The following KIAA0232 variants were observed in gnomAD, a reference collection of about 807,000 sequenced individuals.
The protein encoded by KIAA0232 is KIAA0232.
In KIAA0232, 27 loss-of-function variants were observed where a neutral mutation model predicts 122.0. The ratio of observed to expected loss-of-function variants is 0.22; its 90% CI spans 0.16 to 0.31. The LOEUF (loss-of-function observed/expected upper bound fraction) is 0.31. Among genes scored for constraint, KIAA0232 ranks in the 10% least tolerant of loss-of-function variants. The pLI is 1.00. For missense variants in KIAA0232, 1,551 were observed against 1,634.2 expected (o/e 0.95, Z 0.88); for synonymous variants, 613 against 587.6 (o/e 1.04, Z -0.63).
At chr4:6,856,603 A>G (rs940531367) in intron 4 of KIAA0232, among the ~76,000 whole-genome samples, 1 of 152,120 alleles carries the variant, frequency 6.6e-6, no homozygotes, top group African/African-American at 2.4e-5. Flanking sequence ...AAAGAAGACA[A>G]AGCTTTCACA....
intron 7 of KIAA0232, among the ~76,000 whole-genome samples, chr4:6,865,966 G>A (rs995025014): frequency 6.6e-6 from 1 of 152,156 alleles, no homozygotes; most frequent in Non-Finnish European, 1.5e-5. Flanking sequence ...GCATCAGAGT[G>A]CCCAGGTGTG....
rs1722163905 is a variant in KIAA0232, at chr4:6,883,103, A to G, written c.*2137A>G. The stretch of plus-strand genomic sequence containing the variant: ...AAGTAGCTGAAGCTCAGAGGCTTTC[A>G]GCAACAGAGATGAAAGTGTGGCTTT... On this transcript the variant is annotated 3_prime_UTR_variant, in exon 10 of 10. Coordinates refer to ENST00000307659, the MANE Select transcript of KIAA0232 (RefSeq NM_014743.3). The G allele has an allele frequency of 6.5e-6, 1 of 152,678 alleles. No individual in the cohort carries two copies. Among genetic ancestry groups the G allele is most frequent in the Non-Finnish European group, 1.5e-5 (1 of 68,048 alleles). The allele number at this position is 152,678 out of a possible 1,614,324, so 9.5% of individuals were successfully genotyped here. A position where few individuals can be genotyped will look rare whatever the true frequency, so the allele number is the denominator to read the frequency against.
At chr4:6,791,578 C>G (rs1716896794) in intron 1 of KIAA0232, among the ~76,000 whole-genome samples, 1 of 152,058 alleles carries the variant, frequency 6.6e-6, no homozygotes, top group Admixed American at 6.6e-5. Context: ...ATGCTCCTGC[C>G]TCTGCCTCCC....
At chr4:6,864,909 A>G (rs760180812) in intron 7 of KIAA0232, among the ~76,000 whole-genome samples, 1 of 152,236 alleles carries the variant, frequency 6.6e-6, no homozygotes, top group African/African-American at 2.4e-5. Flanking sequence ...TGTGTTTTAC[A>G]TATAAAACAA....
chr4:6,857,727 C>T (rs769590246), intron 5 of KIAA0232, among the ~76,000 whole-genome samples: 4 of 152,186 alleles, frequency 2.6e-5, no homozygotes, highest in Non-Finnish European at 5.9e-5. Flanking sequence ...ACAGACTTGG[C>T]AAGCTTATTT....
intron 2 of KIAA0232, among the ~76,000 whole-genome samples, chr4:6,817,442 C>T (rs1718187058): frequency 6.6e-6 from 1 of 152,264 alleles, no homozygotes; most frequent in Non-Finnish European, 1.5e-5. Flanking sequence ...GTCTCGATCT[C>T]CTGACCTCGT....
At chr4:6,865,395 G>C (rs948323202) in intron 7 of KIAA0232, among the ~76,000 whole-genome samples, 11 of 152,316 alleles carry the variant, frequency 7.2e-5, no homozygotes, top group Admixed American at 3.3e-4. Flanking sequence ...CACCTCCCAG[G>C]TTCAAGTGAT....
chr4:6,879,114 C>T (rs2108857058), intron 9 of KIAA0232, among the ~76,000 whole-genome samples: 1 of 152,318 alleles, frequency 6.6e-6, no homozygotes, highest in South Asian at 2.1e-4. Context: ...GTTCAAGCCA[C>T]TGTCCCTGCT....
chr4:6,794,620 C>G (rs1050451904), intron 1 of KIAA0232, among the ~76,000 whole-genome samples: 2 of 152,108 alleles, frequency 1.3e-5, no homozygotes, highest in Non-Finnish European at 2.9e-5. Flanking sequence ...GAGCAGAGAC[C>G]TGAAGAGGAA....
intron 8 of KIAA0232, among the ~76,000 whole-genome samples, chr4:6,876,015 C>T (rs1411954903): frequency 6.6e-6 from 1 of 152,174 alleles, no homozygotes; most frequent in Non-Finnish European, 1.5e-5. Context: ...AATATGCAGC[C>T]AGGGTTGAGA....
In KIAA0232 at chr4:6,862,805, C is replaced by A; in HGVS notation, c.2423C>A (p.Thr808Lys). ...QKTENKNFET[T>K]QVCNESPHGD... ...ACAGAAAACAAAAATTTTGAAACTA[C>A]ACAAGTATGTAATGAAAGTCCACAT... Residue 808 changes from threonine (T) to lysine (K), a missense_variant, in exon 7 of 10, where the codon ACA becomes AAA. Transcript: ENST00000307659. 6.2e-7 allele frequency: 1 copy of A among 1,614,118 alleles called. No individual in the cohort carries two copies. The highest frequency in any genetic ancestry group is 1.1e-5 in the South Asian group (1 of 91,068).
intron 4 of KIAA0232, 22 bp from the exon 5 acceptor site, chr4:6,857,140 ATG>A: frequency 6.4e-7 from 1 of 1,573,462 alleles, no homozygotes; most frequent in Non-Finnish European, 8.7e-7. Flanking sequence ...CTGTAACCTA[ATG>A]TGTCTTTTTG....
At chr4:6,878,472 A>G (rs1344388821) in intron 9 of KIAA0232, among the ~76,000 whole-genome samples, 1 of 152,130 alleles carries the variant, frequency 6.6e-6, no homozygotes, top group Non-Finnish European at 1.5e-5. Context: ...ATAAAATGAG[A>G]TTTTCTTAGT....
chr4:6,828,295 G>T (rs899442864), intron 3 of KIAA0232, among the ~76,000 whole-genome samples: 18 of 152,306 alleles, frequency 1.2e-4, no homozygotes, highest in African/African-American at 4.3e-4. Flanking sequence ...GATCGCTTGA[G>T]CCTGGGGGGT....
rs746215162 is a variant in KIAA0232 at position 6,803,011 on chromosome 4, CAAAA to C, written c.-353-1493_-353-1490del. ...CTTGAGCAACATACTCTGTCTTGAC[CAAAA>C]AAAAAAAAAAAAAAAAAAGCCAGGT... On this transcript the variant is annotated intron_variant, in intron 1 of 9. Coordinates refer to ENST00000307659, the MANE Select transcript of KIAA0232 (RefSeq NM_014743.3). Among the ~76,000 whole-genome samples the C allele has an allele frequency of 6.7e-3, 326 of 48,470 alleles. 2 individuals are homozygous for C. Among genetic ancestry groups the C allele is most frequent in the African/African-American group, 0.025 (311 of 12,592 alleles). 31.8% of individuals were successfully genotyped at this position (48,470 alleles called of 152,430 possible). A position where few individuals can be genotyped will look rare whatever the true frequency, so the allele number is the denominator to read the frequency against.
intron 7 of KIAA0232, chr4:6,866,135 C>T (rs1721170244): frequency 3.2e-6 from 2 of 623,360 alleles, no homozygotes. Context: ...TTGTTTATTG[C>T]CCCATTTTTC....
intron 1 of KIAA0232, among the ~76,000 whole-genome samples, chr4:6,788,345 C>T (rs183894811): frequency 2.6e-5 from 4 of 152,324 alleles, no homozygotes; most frequent in Admixed American, 2.6e-4. Flanking sequence ...CCTTATATTT[C>T]AACACAAGAC....
chr4:6,821,262 G>A (rs1282405008), intron 2 of KIAA0232, among the ~76,000 whole-genome samples: 3 of 152,026 alleles, frequency 2.0e-5, no homozygotes, highest in Non-Finnish European at 4.4e-5. Context: ...GGGAACAGGT[G>A]ATAGTTACAT....
chr4:6,818,926 A>C (rs1333939141), intron 2 of KIAA0232, among the ~76,000 whole-genome samples: 4 of 152,156 alleles, frequency 2.6e-5, no homozygotes, highest in African/African-American at 9.7e-5. Context: ...AAAGGTGTAC[A>C]CCTGTAGCCA....
Sources: gnomAD v4.1 joint callset for allele counts (sites outside exome capture counted in the v4.1 genomes callset) on GRCh38, gnomAD v4.1.1 for gene constraint, MANE v1.5 for transcripts, NCBI Gene and HGNC (gene_info 2026-07-23, HGNC 2026-07-21) for gene names.